Variants in ZNF536 observed in about 807,000 individuals in gnomAD.
ZNF536 encodes the protein zinc finger protein 536.
ZNF536 carries 13 observed loss-of-function variants against 84.5 expected under a neutral mutation model. The ratio of observed to expected loss-of-function variants is 0.15; its 90% confidence interval spans 0.10 to 0.24. The LOEUF (loss-of-function observed/expected upper bound fraction) is 0.24, where lower values mean the gene tolerates loss of function less well. Ranked by LOEUF, ZNF536 falls within the 10% of genes least tolerant of loss-of-function variation. The pLI is 1.00. For missense variants in ZNF536, 1,536 were observed against 1,747.5 expected (o/e 0.88, Z 2.16); for synonymous variants, 811 against 742.5 (o/e 1.09, Z -1.50).
intron 1 of ZNF536, among the ~76,000 whole-genome samples, chr19:30,666,563 C>T (rs1468640847): frequency 6.6e-6 from 1 of 152,010 alleles, no homozygotes; most frequent in African/African-American, 2.4e-5. Context: ...TGAGAGGGGG[C>T]TTTCTGAGCC....
intron 1 of ZNF536, among the ~76,000 whole-genome samples, chr19:30,390,052 G>A (rs527732100): frequency 6.6e-6 from 1 of 152,254 alleles, no homozygotes; most frequent in Non-Finnish European, 1.5e-5. Context: ...GGACCTCAGA[G>A]GTGTTCAAGG....
At chr19:30,464,204 C>G (rs2148454307) in intron 2 of ZNF536, among the ~76,000 whole-genome samples, 1 of 152,158 alleles carries the variant, frequency 6.6e-6, no homozygotes, top group South Asian at 2.1e-4. Flanking sequence ...TGACCAAGTT[C>G]TATGGACACG....
chr19:30,306,052 A>G (rs2046333959), intron 2 of ZNF536, among the ~76,000 whole-genome samples: 1 of 152,090 alleles, frequency 6.6e-6, no homozygotes. Flanking sequence ...TTATTCACCC[A>G]TTTATTCATT....
intron 3 of ZNF536, among the ~76,000 whole-genome samples, chr19:30,365,585 C>T (rs1419563087): frequency 6.6e-6 from 1 of 152,178 alleles, no homozygotes; most frequent in African/African-American, 2.4e-5. Flanking sequence ...ACGTCTGCTT[C>T]AGACAACCCA....
At chr19:30,483,312 T>C (rs1012751286) in intron 2 of ZNF536, among the ~76,000 whole-genome samples, 1 of 152,170 alleles carries the variant, frequency 6.6e-6, no homozygotes, top group African/African-American at 2.4e-5. Context: ...AACATGGTCC[T>C]CTCCCCTTCT....
intron 2 of ZNF536, among the ~76,000 whole-genome samples, chr19:30,462,236 G>C (rs1770822787): frequency 6.6e-6 from 1 of 152,102 alleles, no homozygotes; most frequent in Non-Finnish European, 1.5e-5. Flanking sequence ...CTCAGTAGAG[G>C]GGCTGAGTCT....
chr19:30,534,782 G>A, intron 2 of ZNF536, 65 bp from the exon 3 acceptor site: 1 of 1,509,230 alleles, frequency 6.6e-7, no homozygotes, highest in Non-Finnish European at 8.9e-7. Flanking sequence ...GGTGTTAGCA[G>A]TTTTGGTGCG....
At chr19:30,279,083 A>G (rs1600039411) in intron 1 of ZNF536, among the ~76,000 whole-genome samples, 1 of 152,120 alleles carries the variant, frequency 6.6e-6, no homozygotes, top group Non-Finnish European at 1.5e-5. Flanking sequence ...CTCTTCCTGT[A>G]CCGCCGTTGC....
At chr19:30,626,493 T>G (rs932884527) in intron 1 of ZNF536, among the ~76,000 whole-genome samples, 13 of 152,050 alleles carry the variant, frequency 8.5e-5, no homozygotes, top group African/African-American at 2.7e-4. Context: ...TCGGCCAGAG[T>G]GCTGGCAAGA....
chr19:30,409,448 C>G lies in ZNF536; in HGVS notation c.-2-34113C>G, dbSNP rs1409246664. On this transcript the variant is annotated intron_variant, in intron 1 of 4. Transcript: ENST00000355537. ...AATTTTCTCCTTCCGAATCCCTGGC[C>G]CCCCTGCTCCCAGCTTCCTTGGCAG... is the stretch of plus-strand genomic sequence containing the variant. Among the ~76,000 whole-genome samples, 3 of 152,242 alleles carry G rather than the reference C, an allele frequency of 2.0e-5. No individual in the cohort carries two copies. The East Asian group carries it at 5.8e-4, about 29-fold the overall frequency.
intron 2 of ZNF536, among the ~76,000 whole-genome samples, chr19:30,462,674 G>A (rs1480592309): frequency 1.3e-5 from 2 of 151,852 alleles, no homozygotes; most frequent in Admixed American, 6.6e-5. Flanking sequence ...GCATGGGATG[G>A]GGTGTGTGTT....
intron 1 of ZNF536, among the ~76,000 whole-genome samples, chr19:30,259,544 C>G (rs371542671): frequency 6.6e-6 from 1 of 152,152 alleles, no homozygotes; most frequent in Non-Finnish European, 1.5e-5. Context: ...GACTCTGATG[C>G]GTACTGAGGT....
chr19:30,628,061 A>C (rs2048752530), intron 1 of ZNF536, among the ~76,000 whole-genome samples: 2 of 152,216 alleles, frequency 1.3e-5, no homozygotes, highest in South Asian at 4.1e-4. Flanking sequence ...ACAGACGGGA[A>C]TGCAGCCTCC....
At chr19:30,402,567 C>G (rs2050086316) in intron 1 of ZNF536, among the ~76,000 whole-genome samples, 1 of 151,860 alleles carries the variant, frequency 6.6e-6, no homozygotes, top group Admixed American at 6.6e-5. Flanking sequence ...ACAACCTGTT[C>G]TACCTCTCCC....
chr19:30,610,630 A>G (rs533427642), intron 1 of ZNF536, among the ~76,000 whole-genome samples: 1 of 152,304 alleles, frequency 6.6e-6, no homozygotes, highest in East Asian at 1.9e-4. Context: ...TTTTAAGACA[A>G]ACTCAGTTTC....
At chr19:30,450,294 C>A (rs1373694346) in intron 2 of ZNF536, among the ~76,000 whole-genome samples, 1 of 150,964 alleles carries the variant, frequency 6.6e-6, no homozygotes, top group African/African-American at 2.4e-5. Flanking sequence ...TACCGGAGCT[C>A]GGGGAGGCTG....
At chr19:30,571,015 T>C (rs2046526504) in intron 1 of ZNF536, among the ~76,000 whole-genome samples, 1 of 152,184 alleles carries the variant, frequency 6.6e-6, no homozygotes, top group Non-Finnish European at 1.5e-5. Flanking sequence ...TAAGTGGGCC[T>C]CACGCAGGGC....
chr19:30,562,386 C>G (rs2046202925), downstream of ZNF536, among the ~76,000 whole-genome samples: 1 of 152,070 alleles, frequency 6.6e-6, no homozygotes, highest in Admixed American at 6.5e-5. Context: ...TTGCCTTATC[C>G]TGAAGATATT....
rs59889852 is a variant in ZNF536, at chr19:30,264,966, T to TGTGAGAGAGAGA, written c.-189-19105_-189-19104insTGAGAGAGAGAG. 2.5e-3 allele frequency among the ~76,000 whole-genome samples: 329 copies of TGTGAGAGAGAGA among 133,850 alleles called. 4 individuals carry two copies. Among genetic ancestry groups the TGTGAGAGAGAGA allele is most frequent in the South Asian group, 0.012 (46 of 3,760 alleles). 87.8% of individuals were successfully genotyped at this position (133,850 alleles called of 152,430 possible). ...GTGTGTGTGTGTGTGTGTGTGTGTG[T>TGTGAGAGAGAGA]GAGAGAGAGAGAGAGAAAGAGAGAT... On this transcript the variant is annotated intron_variant, in intron 1 of 5. Coordinates refer to the ZNF536 transcript ENST00000585628.
Sources: allele counts gnomAD v4.1 joint callset (sites outside exome capture counted in the v4.1 genomes callset), GRCh38; gene constraint gnomAD v4.1.1; transcripts MANE v1.5; gene names NCBI Gene and HGNC (gene_info 2026-07-23, HGNC 2026-07-21).